The following SECISBP2L variants were observed in gnomAD, a reference collection of about 807,000 sequenced individuals.
SECISBP2L encodes the protein SECIS binding protein 2 like, also known as selenocysteine insertion sequence-binding protein 2-like.
Under a neutral mutation model 114.7 loss-of-function variants are expected in SECISBP2L, and 43 were observed. The ratio of observed to expected loss-of-function variants is 0.38; its 90% CI spans 0.29 to 0.48. The LOEUF (loss-of-function observed/expected upper bound fraction) is 0.48, where lower values mean the gene tolerates loss of function less well. Ranked by LOEUF, SECISBP2L falls within the 20% of genes least tolerant of loss-of-function variation. SECISBP2L has a pLI of 0.98. For synonymous variants in SECISBP2L, 451 were observed against 439.7 expected (o/e 1.03, Z -0.32); for missense variants, 1,136 against 1,301.1 (o/e 0.87, Z 1.95).
At chr15:49,024,255 TG>T (rs1319991555) in intron 7 of SECISBP2L, among the ~76,000 whole-genome samples, 2 of 152,120 alleles carry the variant, frequency 1.3e-5, no homozygotes, top group African/African-American at 4.8e-5. Flanking sequence ...CCCAATACTT[TG>T]GGAGGCCGAG....
intron 3 of SECISBP2L, among the ~76,000 whole-genome samples, chr15:49,034,669 G>GTTTTGT (rs566718009): frequency 3.0e-5 from 4 of 132,136 alleles, no homozygotes; most frequent in African/African-American, 1.1e-4. Context: ...TATATCTTTT[G>GTTTTGT]TTTTTTTTTT....
At position 49,037,727 on chromosome 15, in the gene SECISBP2L, T is replaced by C. The variant is rs1903042444; in HGVS notation, c.67A>G (p.Lys23Glu). The C allele has an allele frequency of 6.2e-7, 1 of 1,611,040 alleles. No individual in the cohort carries two copies. The highest frequency in any genetic ancestry group is 8.5e-7 in the Non-Finnish European group (1 of 1,177,806). Residue 23 changes from lysine (K) to glutamate (E), a missense_variant, in exon 2 of 18, where the codon AAG (lysine) becomes GAG (glutamate). Lys to Glu is a moderately conservative substitution (Grantham distance 56). This residue lies in a region of SECISBP2L where 452 missense variants were observed against 452.3 expected (regional missense o/e 1.00). Coordinates refer to ENST00000559471, the MANE Select transcript of SECISBP2L (RefSeq NM_001193489.2). ...ATCATAAATGTATCAGGACTCTTCTTCTGGGGAATAAATGGCTCCACCTCA... is the reference window on the plus strand; with the variant it reads ...ATCATAAATGTATCAGGACTCTTCTCCTGGGGAATAAATGGCTCCACCTCA... Reference protein sequence around the residue: ...SAEVEPFIPQKKSPDTFMIPM... With the variant: ...SAEVEPFIPQEKSPDTFMIPM...
At chr15:49,021,171 G>C (rs1902634142) in intron 7 of SECISBP2L, among the ~76,000 whole-genome samples, 1 of 152,092 alleles carries the variant, frequency 6.6e-6, no homozygotes, top group Non-Finnish European at 1.5e-5. Context: ...GACAAAGCTA[G>C]AAGACAGCCA....
chr15:49,002,307 T>G (rs1902229393), intron 14 of SECISBP2L, among the ~76,000 whole-genome samples: 1 of 152,220 alleles, frequency 6.6e-6, no homozygotes, highest in Non-Finnish European at 1.5e-5. Flanking sequence ...GGGTTGTTTT[T>G]TCTTATAAAT....
intron 1 of SECISBP2L, among the ~76,000 whole-genome samples, chr15:49,040,605 G>A (rs1282209974): frequency 3.2e-5 from 4 of 126,172 alleles, no homozygotes; most frequent in East Asian, 2.3e-4. Context: ...GCGCAATCTC[G>A]GCTCACTGCA....
At chr15:49,039,855 G>A (rs974354108) in intron 1 of SECISBP2L, among the ~76,000 whole-genome samples, 5 of 151,986 alleles carry the variant, frequency 3.3e-5, no homozygotes. Flanking sequence ...AGTTCTTTAC[G>A]ACATATGAGA....
chr15:49,031,437 C>G (rs1329505267), intron 4 of SECISBP2L, among the ~76,000 whole-genome samples: 1 of 151,838 alleles, frequency 6.6e-6, no homozygotes, highest in African/African-American at 2.4e-5. Context: ...TTAATGACAT[C>G]TTTTTTTTAA....
At chr15:48,994,227 T>C (rs946684602) in intron 17 of SECISBP2L, among the ~76,000 whole-genome samples, 1 of 152,164 alleles carries the variant, frequency 6.6e-6, no homozygotes, top group Non-Finnish European at 1.5e-5. Flanking sequence ...TTTTCTCTCT[T>C]ATTAGTATTA....
chr15:49,043,520 AT>A (rs1455445007), intron 1 of SECISBP2L, among the ~76,000 whole-genome samples: 1 of 152,074 alleles, frequency 6.6e-6, no homozygotes, highest in Admixed American at 6.5e-5. Flanking sequence ...ACTTTAAAAA[AT>A]CTCAATAAAT....
intron 17 of SECISBP2L, among the ~76,000 whole-genome samples, 174 bp from the exon 18 acceptor site, chr15:48,993,100 A>AGAGAGAGAGTGTGTGTGT (rs772299775): frequency 7.2e-6 from 1 of 139,130 alleles, no homozygotes; most frequent in African/African-American, 2.8e-5. Context: ...ACAGAGAGAG[A>AGAGAGAGAGTGTGTGTGT]GTGTGTGTGT....
chr15:49,028,812 T>C, intron 4 of SECISBP2L, 130 bp from the exon 5 acceptor site: 1 of 761,386 alleles, frequency 1.3e-6, no homozygotes, highest in Non-Finnish European at 2.1e-6. Context: ...GACAACTTTT[T>C]GAAAAGGTCA....
chr15:49,042,882 T>C (rs773684593), intron 1 of SECISBP2L, among the ~76,000 whole-genome samples: 6 of 151,980 alleles, frequency 3.9e-5, no homozygotes, highest in Non-Finnish European at 7.4e-5. Context: ...ATACAAAAAT[T>C]AGCTGGGTGT....
At chr15:49,013,243 T>C (rs1239474484) in intron 11 of SECISBP2L, 1 of 153,044 alleles carries the variant, frequency 6.5e-6, no homozygotes, top group Non-Finnish European at 1.5e-5. Flanking sequence ...TAAAGAATGA[T>C]GATTTTACCC....
At chr15:49,003,315 T>G (rs1306116071) in intron 14 of SECISBP2L, among the ~76,000 whole-genome samples, 3 of 152,252 alleles carry the variant, frequency 2.0e-5, no homozygotes, top group Non-Finnish European at 4.4e-5. Context: ...CTGAAGTTGC[T>G]TATCAGCTTA....
intron 12 of SECISBP2L, 119 bp from the exon 13 acceptor site, chr15:49,011,982 GGCT>G: frequency 8.9e-7 from 1 of 1,129,058 alleles, no homozygotes; most frequent in Admixed American, 2.4e-5. Context: ...TGAGAAGTTT[GGCT>G]AACTGGCAAA....
At chr15:49,037,812 C>G in intron 1 of SECISBP2L, 43 bp from the exon 2 acceptor site, 1 of 1,505,724 alleles carries the variant, frequency 6.6e-7, no homozygotes, top group South Asian at 1.3e-5. Flanking sequence ...AATGAGCAAG[C>G]AACTTCCTAC....
At chr15:49,036,394 T>C (rs1203200144) in intron 2 of SECISBP2L, among the ~76,000 whole-genome samples, 1 of 152,236 alleles carries the variant, frequency 6.6e-6, no homozygotes, top group Non-Finnish European at 1.5e-5. Flanking sequence ...TTTTCCTCAT[T>C]ACTCCCATGA....
At position 48,990,032 on chromosome 15, in the gene SECISBP2L, G is replaced by C. The variant is rs1354707388; in HGVS notation, c.*2212C>G. The C allele has an allele frequency of 6.6e-6, 1 of 152,610 alleles. No individual in the cohort carries two copies. Among genetic ancestry groups the C allele is most frequent in the Admixed American group, 6.5e-5 (1 of 15,274 alleles). 9.5% of individuals were successfully genotyped at this position (152,610 alleles called of 1,614,324 possible). On this transcript the variant is annotated 3_prime_UTR_variant, in exon 18 of 18. Coordinates refer to ENST00000559471, the MANE Select transcript of SECISBP2L (RefSeq NM_001193489.2). ...GTCCCTTGGATTTGCTGGCAGAAGA[G>C]GTACTGCATATGCGAGAGCATTTAC...
At chr15:49,010,292 C>T (rs1249236038) in intron 13 of SECISBP2L, among the ~76,000 whole-genome samples, 5 of 152,038 alleles carry the variant, frequency 3.3e-5, no homozygotes, top group African/African-American at 1.2e-4. Context: ...CCTCTCCACA[C>T]CACTCCTGAT....
Sources: allele counts gnomAD v4.1 joint callset (sites outside exome capture counted in the v4.1 genomes callset), GRCh38; gene constraint gnomAD v4.1.1; regional missense constraint gnomAD v4.1.1; transcripts MANE v1.5; gene names NCBI Gene and HGNC (gene_info 2026-07-23, HGNC 2026-07-21).